The following LGALS12 variants were observed in gnomAD, a reference collection of about 807,000 sequenced individuals.
The protein encoded by LGALS12 is galectin 12.
LGALS12 carries 36 observed loss-of-function variants against 36.8 expected under a neutral mutation model. That is an observed-to-expected ratio of 0.98 (90% confidence interval 0.75 to 1.29). The LOEUF (loss-of-function observed/expected upper bound fraction) is 1.29, where lower values mean the gene tolerates loss of function less well. Among genes scored for constraint, LGALS12 ranks in the 50% most tolerant of loss-of-function variants. LGALS12 has a pLI of 0.00. For missense variants in LGALS12, 366 were observed against 394.3 expected, an observed-to-expected ratio of 0.93 and a Z score of 0.61; for synonymous variants, 145 against 155.9, an observed-to-expected ratio of 0.93 and a Z score of 0.52.
chr11:63,516,614 G>A lies in LGALS12; in HGVS notation c.*221G>A. 1 of 588,342 alleles carries A rather than the reference G, an allele frequency of 1.7e-6. No homozygotes were observed. Among genetic ancestry groups the A allele is most frequent in the Non-Finnish European group, 3.0e-6 (1 of 333,824 alleles). The allele number at this position is 588,342 out of a possible 1,614,324, so 36.4% of individuals were successfully genotyped here. A position where few individuals can be genotyped will look rare whatever the true frequency, so the allele number is the denominator to read the frequency against. On this transcript the variant is annotated 3_prime_UTR_variant, in exon 9 of 9. Coordinates refer to ENST00000394618, the MANE Select transcript of LGALS12 (RefSeq NM_033101.4). ...GCACCTTCCTCCACCAGGAGCCTGG[G>A]ATATGGCTCCATCTGCCTTCAGGGC... is the stretch of plus-strand genomic sequence containing the variant.
rs757826158 is a variant in LGALS12, at chr11:63,516,290, A to G, written c.842A>G (p.Asn281Ser). The change falls in exon 9 of 9, where the codon AAT (asparagine) becomes AGT (serine). Residue 281 changes from asparagine to serine, a missense_variant. Coordinates refer to ENST00000394618, the MANE Select transcript of LGALS12 (RefSeq NM_033101.4). ...GAGGGAGGGCTGAAGCTGGCGCTCA[A>G]TGGGCAGGGGCTGGGGGCCACCAGC... The part of the protein sequence containing the change: ...FQEGGLKLAL[N>S]GQGLGATSMN... 1.6e-5 allele frequency: 26 copies of G among 1,606,268 alleles called. No individual in the cohort carries two copies. In the East Asian group the frequency reaches 5.6e-4, roughly 35 times the overall value.
Position 63,515,681 on chromosome 11 carries a change from C to T in LGALS12, c.766C>T (p.Pro256Ser). 6.2e-7 allele frequency: 1 copy of T among 1,614,186 alleles called. No homozygotes were observed. The highest frequency in any genetic ancestry group is 8.5e-7 in the Non-Finnish European group (1 of 1,180,026). ...RWGQKKLISAPFLFYPQRFFE... is the reference protein window; with the variant it reads ...RWGQKKLISASFLFYPQRFFE... Reference sequence around the variant, plus strand: ...GGGGCAGAAGAAACTGATCTCAGCCCCCTTCCTCTTTTACCCCCAGAGATT... The same window carrying T: ...GGGGCAGAAGAAACTGATCTCAGCCTCCTTCCTCTTTTACCCCCAGAGATT... The change falls in exon 8 of 9, where the codon CCC becomes TCC. Residue 256 changes from proline (P) to serine (S), a missense_variant. By Grantham distance (74) the Pro-to-Ser change is moderately conservative. Transcript: ENST00000394618.
Position 63,516,536 on chromosome 11 carries a change from A to G in LGALS12, c.*143A>G, listed in dbSNP as rs2017090222. ...TCTGGGGTCACGAGACTGAGTCTAC[A>G]GGAGCTTTGGGCCTGAGGGAAGGCA... On this transcript the variant is annotated 3_prime_UTR_variant, in exon 9 of 9. Coordinates refer to ENST00000394618, the MANE Select transcript of LGALS12 (RefSeq NM_033101.4). 4 of 979,564 alleles carry G rather than the reference A, an allele frequency of 4.1e-6. No homozygotes were observed. The highest frequency in any genetic ancestry group is 6.1e-6 in the Non-Finnish European group (4 of 650,828). 60.7% of individuals were successfully genotyped at this position (979,564 alleles called of 1,614,324 possible).
intron 7 of LGALS12, among the ~76,000 whole-genome samples, chr11:63,513,372 C>T (rs2134330947): frequency 6.6e-6 from 1 of 152,166 alleles, no homozygotes; most frequent in South Asian, 2.1e-4. Flanking sequence ...TCCTCAGAGG[C>T]CAGACAGGTC....
At chr11:63,508,701 G>A in intron 2 of LGALS12, 60 bp downstream of exon 2, 3 of 1,613,530 alleles carry the variant, frequency 1.9e-6, no homozygotes, top group Non-Finnish European at 2.5e-6. Context: ...CATCGAGCTG[G>A]AGGGCTCCTC....
chr11:63,510,957 C>T, intron 5 of LGALS12, 122 bp from the exon 6 acceptor site: 1 of 940,200 alleles, frequency 1.1e-6, no homozygotes, highest in Admixed American at 1.9e-5. Context: ...GCTCCAATGA[C>T]TCACCTACTG....
rs1202617488 is a variant in LGALS12 at position 63,510,362 on chromosome 11, T to C, written c.493-101T>C. Reference sequence around the variant, plus strand: ...ACCACTGACCAGCCGAATGGGAACATGAGGAGCTGTAAAGGCCAGGGCTCT... The same window carrying C: ...ACCACTGACCAGCCGAATGGGAACACGAGGAGCTGTAAAGGCCAGGGCTCT... On this transcript the variant is annotated intron_variant, in intron 4 of 8. Coordinates refer to ENST00000394618, the MANE Select transcript of LGALS12 (RefSeq NM_033101.4). The C allele has an allele frequency of 3.3e-5, 38 of 1,150,898 alleles. No individual in the cohort carries two copies. The South Asian group carries it at 4.2e-4, about 13-fold the overall frequency. The allele number at this position is 1,150,898 out of a possible 1,614,324, so 71.3% of individuals were successfully genotyped here.
In LGALS12 at chr11:63,508,858, C is replaced by A. The variant is rs1240088625; in HGVS notation, c.239C>A (p.Thr80Asn). 1 of 1,614,250 alleles carries A rather than the reference C, an allele frequency of 6.2e-7. No homozygotes were observed. Among genetic ancestry groups the A allele is most frequent in the Non-Finnish European group, 8.5e-7 (1 of 1,180,036 alleles). ...IAFHFNPRFH[T>N]TKPHVICNTL... Reference sequence around the variant, plus strand: ...TTCCACTTCAACCCTCGCTTCCATACCACCAAGCCCCATGTCATCTGCAAC... The same window carrying A: ...TTCCACTTCAACCCTCGCTTCCATAACACCAAGCCCCATGTCATCTGCAAC... The change falls in exon 3 of 9, where the codon ACC becomes AAC. Residue 80 changes from threonine (T) to asparagine (N), a missense_variant. Thr to Asn is a moderately conservative substitution (Grantham distance 65). Coordinates refer to ENST00000394618, the MANE Select transcript of LGALS12 (RefSeq NM_033101.4).
intron 7 of LGALS12, among the ~76,000 whole-genome samples, chr11:63,515,214 CA>C (rs1271378450): frequency 6.6e-6 from 1 of 152,180 alleles, no homozygotes; most frequent in Non-Finnish European, 1.5e-5. Context: ...AGTTAGCATT[CA>C]ATAAATGTTA....
At chr11:63,515,227 C>T (rs1336913669) in intron 7 of LGALS12, among the ~76,000 whole-genome samples, 1 of 152,214 alleles carries the variant, frequency 6.6e-6, no homozygotes, top group African/African-American at 2.4e-5. Flanking sequence ...TAAATGTTAG[C>T]TGTAGCTATC....
chr11:63,506,214 C>A lies in LGALS12; in HGVS notation c.-245C>A, dbSNP rs1160345473. Reference sequence around the variant, plus strand: ...TCCCCTGGACACTGAGTTCTGCTGACAGCCCCCGCCCAGCCAGAGCTCTGC... The same window carrying A: ...TCCCCTGGACACTGAGTTCTGCTGAAAGCCCCCGCCCAGCCAGAGCTCTGC... On this transcript the variant is annotated 5_prime_UTR_variant, in exon 1 of 9. Transcript: ENST00000394618. The A allele has an allele frequency of 6.3e-6, 4 of 637,656 alleles. No homozygotes were observed. The East Asian group carries it at 1.1e-4, about 18-fold the overall frequency. 39.5% of individuals were successfully genotyped at this position (637,656 alleles called of 1,614,324 possible).
At chr11:63,508,164 GT>G (rs2016798861) in intron 1 of LGALS12, 1 of 1,064,124 alleles carries the variant, frequency 9.4e-7, no homozygotes, top group Admixed American at 4.9e-5. Context: ...CCAGTTCCTA[GT>G]CTCCAGCCAC....
At chr11:63,511,133 A>G in intron 6 of LGALS12, 28 bp downstream of exon 6, 1 of 1,610,300 alleles carries the variant, frequency 6.2e-7, no homozygotes, top group Non-Finnish European at 8.5e-7. Flanking sequence ...CTGCTCTGTC[A>G]GGGCTGGGGG....
chr11:63,508,261 C>G (rs1289352370), intron 1 of LGALS12: 4 of 1,271,684 alleles, frequency 3.1e-6, no homozygotes, highest in Non-Finnish European at 4.0e-6. Flanking sequence ...GGGGTCACTG[C>G]AGCCTGTTGT....
chr11:63,507,891 C>G, intron 1 of LGALS12: 1 of 270,686 alleles, frequency 3.7e-6, no homozygotes, highest in Non-Finnish European at 5.7e-6. Context: ...GTGCATGCCA[C>G]CACACCCAGC....
intron 7 of LGALS12, 143 bp downstream of exon 7, chr11:63,511,983 G>T (rs565572543): frequency 3.2e-4 from 219 of 682,672 alleles, no homozygotes; most frequent in Non-Finnish European, 5.0e-4. Context: ...GCAGAAAGGA[G>T]AAGTGGCCCA....
At chr11:63,513,655 G>C (rs1407101132) in intron 7 of LGALS12, among the ~76,000 whole-genome samples, 3 of 152,210 alleles carry the variant, frequency 2.0e-5, no homozygotes, top group Non-Finnish European at 2.9e-5. Flanking sequence ...TGCAGCTGCT[G>C]CTATTTTGTG....
chr11:63,515,126 G>C (rs2017040767), intron 7 of LGALS12, among the ~76,000 whole-genome samples: 1 of 152,208 alleles, frequency 6.6e-6, no homozygotes, highest in African/African-American at 2.4e-5. Flanking sequence ...GAAAGTAGCA[G>C]AGCCAGGGTT....
At chr11:63,514,169 T>A (rs2017009133) in intron 7 of LGALS12, among the ~76,000 whole-genome samples, 1 of 152,200 alleles carries the variant, frequency 6.6e-6, no homozygotes. Context: ...GAAAGGCCTG[T>A]CCAGGGCGGC....
Sources: allele counts gnomAD v4.1 joint callset (sites outside exome capture counted in the v4.1 genomes callset), GRCh38; gene constraint gnomAD v4.1.1; transcripts MANE v1.5; gene names NCBI Gene and HGNC (gene_info 2026-07-23, HGNC 2026-07-21).